Variants in SLC30A9 observed in about 807,000 individuals in gnomAD.
SLC30A9 encodes the protein proton-coupled zinc antiporter SLC30A9, mitochondrial.
In SLC30A9, 58 loss-of-function variants were observed where a neutral mutation model predicts 87.5. That is an observed-to-expected ratio of 0.66 (90% CI 0.54 to 0.82). The LOEUF (loss-of-function observed/expected upper bound fraction) is 0.82. SLC30A9 is among the 40% of genes least tolerant of loss of function. The pLI is 0.00. For missense variants in SLC30A9, 557 were observed against 679.1 expected, an observed-to-expected ratio of 0.82 and a Z score of 2.00; for synonymous variants, 234 against 233.0, an observed-to-expected ratio of 1.00 and a Z score of -0.04.
intron 9 of SLC30A9, among the ~76,000 whole-genome samples, chr4:42,053,146 A>G (rs529009202): frequency 2.6e-4 from 39 of 152,244 alleles, no homozygotes; most frequent in Non-Finnish European, 4.4e-4. Context: ...CAGGAAATGT[A>G]TATTAATACC....
intron 17 of SLC30A9, among the ~76,000 whole-genome samples, chr4:42,079,840 A>T (rs1718690669): frequency 6.7e-6 from 1 of 150,180 alleles, no homozygotes; most frequent in African/African-American, 2.5e-5. Context: ...CTGGTCTTGA[A>T]CTCCTGACCT....
intron 6 of SLC30A9, among the ~76,000 whole-genome samples, chr4:42,025,329 T>A (rs1415737337): frequency 6.6e-6 from 1 of 152,228 alleles, no homozygotes; most frequent in Admixed American, 6.5e-5. Context: ...GTCTTAGTAA[T>A]CCTCTCATTT....
At chr4:42,026,405 T>A (rs1486088643) in intron 6 of SLC30A9, among the ~76,000 whole-genome samples, 4 of 152,210 alleles carry the variant, frequency 2.6e-5, no homozygotes, top group East Asian at 1.9e-4. Context: ...TGTATCAGGA[T>A]TAAAGTAGAG....
At chr4:42,009,534 A>G (rs562309331) in intron 2 of SLC30A9, among the ~76,000 whole-genome samples, 1 of 152,344 alleles carries the variant, frequency 6.6e-6, no homozygotes, top group South Asian at 2.1e-4. Context: ...AGCTTAAAAC[A>G]AATGTCTAGC....
At chr4:42,069,309 A>T (rs1028168999) in intron 14 of SLC30A9, among the ~76,000 whole-genome samples, 4 of 152,208 alleles carry the variant, frequency 2.6e-5, no homozygotes, top group African/African-American at 7.2e-5. Context: ...TAGCTAATTT[A>T]TTCAAATTAA....
Position 42,086,285 on chromosome 4 carries a change from G to T in SLC30A9, c.*159G>T. 1 of 417,098 alleles carries T rather than the reference G, an allele frequency of 2.4e-6. No individual in the cohort carries two copies. 25.8% of individuals were successfully genotyped at this position (417,098 alleles called of 1,614,324 possible). A position where few individuals can be genotyped will look rare whatever the true frequency, so the allele number is the denominator to read the frequency against. On this transcript the variant is annotated 3_prime_UTR_variant, in exon 18 of 18. Transcript: ENST00000264451. The stretch of plus-strand genomic sequence containing the variant: ...TTTTATGTAAAGAGCAACTCAGCAG[G>T]ACACAGAACTAAAACTACTACTTAC...
intron 1 of SLC30A9, among the ~76,000 whole-genome samples, chr4:41,991,818 A>G (rs907510235): frequency 2.6e-5 from 4 of 152,248 alleles, no homozygotes; most frequent in Admixed American, 6.5e-5. Flanking sequence ...AGTTGCAGTC[A>G]TTCGAGATTT....
intron 3 of SLC30A9, among the ~76,000 whole-genome samples, chr4:42,019,170 C>T (rs1017070864): frequency 6.6e-6 from 1 of 152,042 alleles, no homozygotes; most frequent in African/African-American, 2.4e-5. Context: ...GCTCTTTCAA[C>T]TTGGAAGTAG....
intron 9 of SLC30A9, among the ~76,000 whole-genome samples, chr4:42,054,222 G>T (rs906244215): frequency 6.6e-6 from 1 of 152,084 alleles, no homozygotes; most frequent in Non-Finnish European, 1.5e-5. Context: ...GCTGAGCGTG[G>T]TGGTACATGC....
In SLC30A9 at chr4:41,990,734, C is replaced by T. The variant is rs1442661778; in HGVS notation, c.83C>T (p.Ala28Val). Reference sequence around the variant, plus strand: ...CGGCTCCGTCTGCGATGCAGGGCGGCGGCCTGTAATCCCAGCGACCGCCAG... The same window carrying T: ...CGGCTCCGTCTGCGATGCAGGGCGGTGGCCTGTAATCCCAGCGACCGCCAG... Reference protein sequence around the residue: ...LCRLRLRCRAAACNPSDRQEW... With the variant: ...LCRLRLRCRAVACNPSDRQEW... The change falls in exon 1 of 18, where the codon GCG becomes GTG. Residue 28 changes from alanine to valine, a missense_variant. Physicochemically the swap from Ala to Val is moderately conservative, Grantham distance 64 (BLOSUM62 0). Transcript: ENST00000264451. 3.1e-6 allele frequency: 5 copies of T among 1,611,128 alleles called. No individual in the cohort carries two copies. The highest frequency in any genetic ancestry group is 2.2e-5 in the South Asian group (2 of 90,934).
intron 9 of SLC30A9, among the ~76,000 whole-genome samples, chr4:42,053,128 T>C (rs1016685960): frequency 2.6e-5 from 4 of 152,180 alleles, no homozygotes; most frequent in Admixed American, 1.3e-4. Context: ...GCTAACACCG[T>C]TAATGATCAG....
Position 42,090,264 on chromosome 4 carries a change from TA to T in SLC30A9, c.*4139del, listed in dbSNP as rs1224420667. ...CTGAAATGGAACTTTGGAAGCCATT[TA>T]TATAGATTAGTCTGACAGCCTTTAT... is the stretch of plus-strand genomic sequence containing the variant. On this transcript the variant is annotated 3_prime_UTR_variant, in exon 18 of 18. Coordinates refer to ENST00000264451, the MANE Select transcript of SLC30A9 (RefSeq NM_006345.4). 6.6e-6 allele frequency: 1 copy of T among 152,252 alleles called. No homozygotes were observed. Among genetic ancestry groups the T allele is most frequent in the African/African-American group, 2.4e-5 (1 of 41,470 alleles). 9.4% of individuals were successfully genotyped at this position (152,252 alleles called of 1,614,324 possible).
chr4:42,054,337 G>A (rs762585694), intron 9 of SLC30A9, among the ~76,000 whole-genome samples: 51 of 152,136 alleles, frequency 3.4e-4, no homozygotes, highest in Non-Finnish European at 2.2e-4. Flanking sequence ...CAGCCTGGGC[G>A]ACAGAACTAG....
At chr4:42,054,637 C>T (rs1717528093) in intron 9 of SLC30A9, among the ~76,000 whole-genome samples, 2 of 151,766 alleles carry the variant, frequency 1.3e-5, no homozygotes. Context: ...ACTACAGGTG[C>T]CTGCCATCAC....
chr4:42,003,493 T>C (rs946677311), intron 2 of SLC30A9, among the ~76,000 whole-genome samples: 6 of 152,150 alleles, frequency 3.9e-5, no homozygotes, highest in South Asian at 4.1e-4. Context: ...GATACATACA[T>C]ATTTAGAATT....
At chr4:42,042,116 G>C (rs1716946247) in intron 8 of SLC30A9, among the ~76,000 whole-genome samples, 1 of 152,188 alleles carries the variant, frequency 6.6e-6, no homozygotes. Flanking sequence ...TGGGTTTCAA[G>C]CACAAAACTG....
chr4:42,056,758 C>T (rs1000030724), intron 9 of SLC30A9, among the ~76,000 whole-genome samples: 2 of 152,190 alleles, frequency 1.3e-5, no homozygotes, highest in African/African-American at 4.8e-5. Context: ...CAAGTCCCTT[C>T]TGCCTATGAA....
chr4:42,004,756 C>A (rs760777695), intron 2 of SLC30A9, among the ~76,000 whole-genome samples: 2 of 147,616 alleles, frequency 1.4e-5, no homozygotes, highest in South Asian at 2.1e-4. Context: ...ACCTCCGGGG[C>A]TCGACCTACC....
At chr4:42,040,449 G>T (rs1716874208) in intron 8 of SLC30A9, among the ~76,000 whole-genome samples, 1 of 151,990 alleles carries the variant, frequency 6.6e-6, no homozygotes, top group African/African-American at 2.4e-5. Context: ...GATAACTAAA[G>T]CCATAAAAGT....
Sources: allele counts gnomAD v4.1 joint callset (sites outside exome capture counted in the v4.1 genomes callset), GRCh38; gene constraint gnomAD v4.1.1; transcripts MANE v1.5; gene names NCBI Gene and HGNC (gene_info 2026-07-23, HGNC 2026-07-21).